The following NLK variants were observed in gnomAD, a reference collection of about 807,000 sequenced individuals.
NLK encodes the protein nemo like kinase, also known as serine/threonine-protein kinase NLK.
In NLK, 11 loss-of-function variants were observed where a neutral mutation model predicts 59.0. That is an observed-to-expected ratio of 0.19 (90% CI 0.12 to 0.31). NLK has a LOEUF of 0.31. Ranked by LOEUF, NLK falls within the 10% of genes least tolerant of loss-of-function variation. The pLI, the probability that NLK is intolerant of heterozygous loss-of-function variation, is 1.00. For synonymous variants in NLK, 235 were observed against 235.9 expected, an observed-to-expected ratio of 1.00 and a Z score of 0.03; for missense variants, 410 against 661.1, an observed-to-expected ratio of 0.62 and a Z score of 4.16.
intron 3 of NLK, among the ~76,000 whole-genome samples, chr17:28,143,228 G>C (rs1052654514): frequency 6.6e-6 from 1 of 151,866 alleles, no homozygotes; most frequent in African/African-American, 2.4e-5. Context: ...ATTTTTAATA[G>C]ATACAGGATT....
At chr17:28,193,575 G>C (rs1032903957) in intron 10 of NLK, among the ~76,000 whole-genome samples, 1 of 152,152 alleles carries the variant, frequency 6.6e-6, no homozygotes. Context: ...CCATGAACAG[G>C]GTCTGGCTCC....
At chr17:28,112,768 G>A (rs1037378031) in intron 1 of NLK, among the ~76,000 whole-genome samples, 2 of 152,166 alleles carry the variant, frequency 1.3e-5, no homozygotes, top group African/African-American at 4.8e-5. Flanking sequence ...AAGAAGTTAG[G>A]AGATTGTGAT....
At chr17:28,078,787 T>C (rs534575802) in intron 1 of NLK, among the ~76,000 whole-genome samples, 1 of 152,194 alleles carries the variant, frequency 6.6e-6, no homozygotes, top group South Asian at 2.1e-4. Flanking sequence ...TTCTCTCAAT[T>C]GTGAATAAAG....
At position 28,110,495 on chromosome 17, in the gene NLK, T is replaced by C. The variant is rs563809298; in HGVS notation, c.459-12108T>C. On this transcript the variant is annotated intron_variant, in intron 1 of 10. Transcript: ENST00000407008. ...CCTACTTGGGTTTTTTGGGTTTTTT[T>C]TTTTTACAACTTTTTGGATCTGTAG... Among the ~76,000 whole-genome samples, 889 of 151,910 alleles carry C rather than the reference T, an allele frequency of 5.9e-3. 11 individuals are homozygous for C. The highest frequency in any genetic ancestry group is 0.02 in the African/African-American group (850 of 41,526).
At chr17:28,077,073 C>CTTTTTTTTTTTTTTTTTTTTTT (rs35639099) in intron 1 of NLK, among the ~76,000 whole-genome samples, 72 of 42,488 alleles carry the variant, frequency 1.7e-3, no homozygotes, top group Non-Finnish European at 2.2e-3. Flanking sequence ...CTCTTTCTTT[C>CTTTTTTTTTTTTTTTTTTTTTT]TTTTTTTTTT....
chr17:28,173,709 A>G (rs948588778), intron 7 of NLK, among the ~76,000 whole-genome samples: 3 of 152,238 alleles, frequency 2.0e-5, no homozygotes, highest in African/African-American at 7.2e-5. Context: ...GTAAGTCTTA[A>G]CCTAGAGGAA....
chr17:28,170,344 A>G (rs1002560432), intron 6 of NLK, among the ~76,000 whole-genome samples: 5 of 151,726 alleles, frequency 3.3e-5, no homozygotes, highest in East Asian at 3.8e-4. Context: ...CACACTGACT[A>G]CTGTGTCTTT....
intron 5 of NLK, among the ~76,000 whole-genome samples, chr17:28,167,686 CAAAA>C (rs371790122): frequency 1.1e-5 from 1 of 93,914 alleles, no homozygotes; most frequent in Admixed American, 1.2e-4. Context: ...CTCATCCCTA[CAAAA>C]AAAAAAAAAA....
chr17:28,081,957 G>A (rs1374335530), intron 1 of NLK, among the ~76,000 whole-genome samples: 2 of 152,170 alleles, frequency 1.3e-5, no homozygotes, highest in Admixed American at 6.5e-5. Flanking sequence ...GCAGTGGAGC[G>A]ATCTCGGATC....
At chr17:28,101,870 T>A (rs1336563595) in intron 1 of NLK, among the ~76,000 whole-genome samples, 1 of 152,226 alleles carries the variant, frequency 6.6e-6, no homozygotes, top group Non-Finnish European at 1.5e-5. Flanking sequence ...ATTGTCCTTA[T>A]ATAGGTATAA....
intron 1 of NLK, among the ~76,000 whole-genome samples, chr17:28,063,340 C>T (rs1489989338): frequency 6.6e-6 from 1 of 152,164 alleles, no homozygotes; most frequent in Non-Finnish European, 1.5e-5. Flanking sequence ...GTTGAGTACT[C>T]TCAATGTTGG....
At chr17:28,096,673 TCTC>T (rs1327173723) in intron 1 of NLK, among the ~76,000 whole-genome samples, 1 of 152,160 alleles carries the variant, frequency 6.6e-6, no homozygotes, top group African/African-American at 2.4e-5. Flanking sequence ...TGAAGACACT[TCTC>T]TAGTTTCCCA....
chr17:28,205,706 ACT>A, the NLK span, among the ~76,000 whole-genome samples: 2 of 151,940 alleles, frequency 1.3e-5, no homozygotes, highest in Non-Finnish European at 2.9e-5. Flanking sequence ...CCTGGTAACC[ACT>A]GTTTTACACT....
At chr17:28,135,850 T>A (rs1380366789) in intron 3 of NLK, among the ~76,000 whole-genome samples, 2 of 152,242 alleles carry the variant, frequency 1.3e-5, no homozygotes, top group African/African-American at 4.8e-5. Context: ...GAAAACTGTG[T>A]ATGTGCTTCT....
chr17:28,142,013 C>T (rs1262413268), intron 3 of NLK, among the ~76,000 whole-genome samples: 1 of 152,188 alleles, frequency 6.6e-6, no homozygotes, highest in Non-Finnish European at 1.5e-5. Context: ...GTTTGACAGA[C>T]ACAGAGCTTG....
intron 1 of NLK, among the ~76,000 whole-genome samples, chr17:28,087,895 A>G (rs1210234557): frequency 6.6e-6 from 1 of 151,954 alleles, no homozygotes; most frequent in Admixed American, 6.6e-5. Context: ...AGATTTGATA[A>G]TCAGTCACAA....
At chr17:28,175,811 T>A (rs1274492249) in intron 7 of NLK, among the ~76,000 whole-genome samples, 2 of 152,208 alleles carry the variant, frequency 1.3e-5, no homozygotes, top group Admixed American at 1.3e-4. Flanking sequence ...TTCTAAAAAT[T>A]ATACATTGTG....
At chr17:28,165,240 G>A (rs1490488153) in intron 5 of NLK, among the ~76,000 whole-genome samples, 4 of 151,834 alleles carry the variant, frequency 2.6e-5, no homozygotes, top group East Asian at 1.9e-4. Context: ...TCAATCTTAC[G>A]ACAGTTTAAG....
intron 8 of NLK, among the ~76,000 whole-genome samples, chr17:28,185,471 G>T (rs1018795646): frequency 2.0e-5 from 3 of 152,156 alleles, no homozygotes; most frequent in African/African-American, 7.2e-5. Flanking sequence ...GAGATAAGGA[G>T]CTGGATCTTA....
Sources: gnomAD v4.1 joint callset for allele counts (sites outside exome capture counted in the v4.1 genomes callset) on GRCh38, gnomAD v4.1.1 for gene constraint, MANE v1.5 for transcripts, NCBI Gene and HGNC (gene_info 2026-07-23, HGNC 2026-07-21) for gene names.